CHD9: variants seen among roughly 807,000 people sequenced by gnomAD.
CHD9 encodes ATP-dependent chromatin remodeler CHD9.
CHD9 carries 77 observed loss-of-function variants against 316.1 expected under a neutral mutation model. The observed-to-expected ratio is 0.24, with a 90% CI of 0.20 to 0.29. The LOEUF (loss-of-function observed/expected upper bound fraction) is 0.29. Among genes scored for constraint, CHD9 ranks in the 10% least tolerant of loss-of-function variants. The pLI is 1.00. For missense variants in CHD9, 2,763 were observed against 3,438.1 expected, an observed-to-expected ratio of 0.80 and a Z score of 4.91; for synonymous variants, 1,129 against 1,158.3, an observed-to-expected ratio of 0.97 and a Z score of 0.51.
Position 53,196,440 on chromosome 16 carries a change from A to G in CHD9, c.1453-13042A>G, listed in dbSNP as rs1374925165. On this transcript the variant is annotated intron_variant, in intron 2 of 38. Coordinates refer to ENST00000447540, the MANE Select transcript of CHD9 (RefSeq NM_001308319.2). ...TTGCCACATAGCCTGTGGTATTCCAACATTTTTACAGGTTCAGCCCACAAT... is the reference window on the plus strand; with the variant it reads ...TTGCCACATAGCCTGTGGTATTCCAGCATTTTTACAGGTTCAGCCCACAAT... Among the ~76,000 whole-genome samples, 5 of 152,096 alleles carry G rather than the reference A, an allele frequency of 3.3e-5. No homozygotes were observed. In the South Asian group the frequency reaches 1.0e-3, roughly 32 times the overall value.
chr16:53,313,931 C>T (rs531016829), intron 34 of CHD9, among the ~76,000 whole-genome samples: 19 of 147,042 alleles, frequency 1.3e-4, no homozygotes, highest in African/African-American at 4.0e-4. Context: ...CCAGCCTGGG[C>T]GACAGAGCAA....
chr16:53,067,627 A>T (rs927921517), intron 1 of CHD9, among the ~76,000 whole-genome samples: 4 of 152,150 alleles, frequency 2.6e-5, no homozygotes, highest in African/African-American at 9.7e-5. Context: ...AATTCATCTC[A>T]TATTTTTCTC....
At chr16:53,268,425 G>C (rs566443523) in intron 22 of CHD9, among the ~76,000 whole-genome samples, 64 of 152,266 alleles carry the variant, frequency 4.2e-4, no homozygotes, top group African/African-American at 1.5e-3. Context: ...GTATTCCGTA[G>C]TATGGATATT....
intron 4 of CHD9, among the ~76,000 whole-genome samples, chr16:53,225,483 T>C (rs1260861301): frequency 6.6e-6 from 1 of 152,206 alleles, no homozygotes; most frequent in Non-Finnish European, 1.5e-5. Flanking sequence ...ACTTTGTTTT[T>C]GTTTTTTAAG....
At chr16:53,317,082 G>A (rs907665220) in intron 36 of CHD9, among the ~76,000 whole-genome samples, 1 of 149,170 alleles carries the variant, frequency 6.7e-6, no homozygotes, top group Non-Finnish European at 1.5e-5. Context: ...TGTAGTCCCA[G>A]CTACTCGAGA....
intron 2 of CHD9, among the ~76,000 whole-genome samples, chr16:53,179,896 CA>C (rs201107556): frequency 0.11 from 12,176 of 113,040 alleles, 974 homozygotes; most frequent in African/African-American, 0.26. Context: ...GACTTCATCT[CA>C]AAAAAAAAAA....
intron 1 of CHD9, among the ~76,000 whole-genome samples, chr16:53,131,781 C>T (rs964572588): frequency 5.3e-5 from 8 of 152,158 alleles, no homozygotes; most frequent in Non-Finnish European, 7.4e-5. Flanking sequence ...CCCGACGTCC[C>T]GGAGCACGGG....
At chr16:53,164,759 T>C (rs561965921) in intron 2 of CHD9, among the ~76,000 whole-genome samples, 1 of 152,072 alleles carries the variant, frequency 6.6e-6, no homozygotes, top group Non-Finnish European at 1.5e-5. Flanking sequence ...GTTCGAGTGA[T>C]TCTTGTGCCT....
chr16:53,080,771 C>T (rs929203261), intron 1 of CHD9, among the ~76,000 whole-genome samples: 6 of 152,218 alleles, frequency 3.9e-5, no homozygotes, highest in African/African-American at 1.4e-4. Flanking sequence ...CCACCCCTCT[C>T]CCTTTCTACT....
At chr16:53,152,895 C>T (rs1416746581) in intron 1 of CHD9, among the ~76,000 whole-genome samples, 1 of 152,078 alleles carries the variant, frequency 6.6e-6, no homozygotes, top group Non-Finnish European at 1.5e-5. Flanking sequence ...AGGTTGGAGT[C>T]CTCAACATTT....
rs139826250 is a variant in CHD9 at position 53,190,973 on chromosome 16, T to C, written c.1453-18509T>C. ...GAGGCATAATTTACATACAATGAAATGTACCCATTTTAAGTGTAATCTGAT... is the reference window on the plus strand; with the variant it reads ...GAGGCATAATTTACATACAATGAAACGTACCCATTTTAAGTGTAATCTGAT... On this transcript the variant is annotated intron_variant, in intron 2 of 38. Coordinates refer to ENST00000447540, the MANE Select transcript of CHD9 (RefSeq NM_001308319.2). Among the ~76,000 whole-genome samples the C allele has an allele frequency of 3.2e-3, 493 of 152,234 alleles. 8 individuals carry two copies. Among genetic ancestry groups the C allele is most frequent in the African/African-American group, 0.011 (475 of 41,568 alleles).
At chr16:53,177,473 C>T (rs16952050) in intron 2 of CHD9, among the ~76,000 whole-genome samples, 4,928 of 152,206 alleles carry the variant, frequency 0.032, 97 homozygotes, top group Middle Eastern at 0.071. Context: ...TACATTAAGG[C>T]TTTTAAATTT....
At chr16:53,280,285 A>G (rs1055170522) in intron 24 of CHD9, among the ~76,000 whole-genome samples, 4 of 152,096 alleles carry the variant, frequency 2.6e-5, no homozygotes, top group African/African-American at 7.3e-5. Context: ...ATGCCCATCA[A>G]TCAACGAATG....
chr16:53,233,271 A>G (rs1376413579), intron 10 of CHD9, among the ~76,000 whole-genome samples: 1 of 152,146 alleles, frequency 6.6e-6, no homozygotes, highest in Admixed American at 6.6e-5. Context: ...AGCTCACAGC[A>G]CTCAGGAAGA....
At chr16:53,286,104 C>A in intron 25 of CHD9, 122 bp from the exon 26 acceptor site, 1 of 558,374 alleles carries the variant, frequency 1.8e-6, no homozygotes, top group Non-Finnish European at 3.2e-6. Context: ...TAACCTATAT[C>A]ATTTTAATGT....
chr16:53,310,679 C>G (rs1404968238), intron 34 of CHD9: 4 of 148,044 alleles, frequency 2.7e-5, no homozygotes, highest in African/African-American at 9.9e-5. Flanking sequence ...GAAACCCTGT[C>G]TGTACTAAAT....
At chr16:53,305,504 G>A (rs970810294) in intron 31 of CHD9, among the ~76,000 whole-genome samples, 11 of 152,202 alleles carry the variant, frequency 7.2e-5, no homozygotes, top group African/African-American at 2.7e-4. Flanking sequence ...ATTTTACACA[G>A]TAGTTTATTT....
intron 3 of CHD9, among the ~76,000 whole-genome samples, chr16:53,214,982 C>G (rs751175963): frequency 9.3e-5 from 14 of 151,304 alleles, no homozygotes; most frequent in Non-Finnish European, 1.8e-4. Context: ...GGCACATCTC[C>G]GCTCACTGCA....
chr16:53,096,946 A>T (rs1247547053), intron 1 of CHD9, among the ~76,000 whole-genome samples: 1 of 151,804 alleles, frequency 6.6e-6, no homozygotes, highest in Non-Finnish European at 1.5e-5. Context: ...TAACCCATTA[A>T]TCCATGAGTG....
Sources: gnomAD v4.1 joint callset for allele counts (sites outside exome capture counted in the v4.1 genomes callset) on GRCh38, gnomAD v4.1.1 for gene constraint, MANE v1.5 for transcripts, NCBI Gene and HGNC (gene_info 2026-07-23, HGNC 2026-07-21) for gene names.